TENM2: variants seen among roughly 807,000 people sequenced by gnomAD.
TENM2 encodes the protein teneurin-2.
A neutral mutation model predicts 245.2 loss-of-function variants in TENM2; 52 were observed. The ratio of observed to expected loss-of-function variants is 0.21; its 90% confidence interval spans 0.17 to 0.27. The LOEUF is 0.27. Among genes scored for constraint, TENM2 ranks in the 10% least tolerant of loss-of-function variants. TENM2 has a pLI of 1.00. For missense variants in TENM2, 3,046 were observed against 3,666.8 expected (o/e 0.83, Z 4.37); for synonymous variants, 1,363 against 1,438.9 (o/e 0.95, Z 1.19).
rs774373938 is a variant in TENM2 at position 168,244,614 on chromosome 5, G to C, written c.5715G>C (p.Gln1905His). Residue 1905 changes from glutamine to histidine, a missense_variant, in exon 26 of 29, where the codon CAG becomes CAC. Around this residue, in one of 2 missense-constraint regions of TENM2, gnomAD observed 2,704 missense variants for 3,331.9 expected, o/e 0.81. Transcript: ENST00000518659. This position sits in a 1 kb window ranked among gnomAD's most constrained non-coding sequence, Gnocchi z 4.9. Reference sequence around the variant, plus strand: ...TCAATGGGCGCCTGGCTGGGCTTCAGCGTGGGGCCATGAGCGAGAGGACAG... The same window carrying C: ...TCAATGGGCGCCTGGCTGGGCTTCACCGTGGGGCCATGAGCGAGAGGACAG... 8.7e-6 allele frequency: 14 copies of C among 1,601,644 alleles called. No individual in the cohort carries two copies. The highest frequency in any genetic ancestry group is 1.7e-5 in the Admixed American group (1 of 58,964).
chr5:167,472,988 G>A (rs1181447205), intron 2 of TENM2, among the ~76,000 whole-genome samples: 2 of 152,010 alleles, frequency 1.3e-5, no homozygotes, highest in African/African-American at 2.4e-5. Context: ...ACAAATTGGG[G>A]TGGGAATTGA....
intron 2 of TENM2, among the ~76,000 whole-genome samples, chr5:167,874,863 G>A (rs1773286733): frequency 6.6e-6 from 1 of 152,114 alleles, no homozygotes; most frequent in African/African-American, 2.4e-5. Context: ...CCTCCTCAAG[G>A]CTAGAGAGTC....
chr5:167,458,041 T>G (rs1766026811), intron 2 of TENM2, among the ~76,000 whole-genome samples: 1 of 152,164 alleles, frequency 6.6e-6, no homozygotes, highest in South Asian at 2.1e-4. Context: ...CTTGGTGATA[T>G]AGCTAGTTTT....
At chr5:167,864,699 C>T (rs1399471871) in intron 2 of TENM2, among the ~76,000 whole-genome samples, 1 of 152,150 alleles carries the variant, frequency 6.6e-6, no homozygotes, top group African/African-American at 2.4e-5. Flanking sequence ...ACCTCGGTTC[C>T]AACTCTTCTT....
In TENM2 at chr5:167,608,424, G is replaced by A. The variant is rs369728440; in HGVS notation, c.502+232951G>A. Among the ~76,000 whole-genome samples, 25 of 152,178 alleles carry A rather than the reference G, an allele frequency of 1.6e-4. 1 individual carries two copies. Among genetic ancestry groups the A allele is most frequent in the Admixed American group, 9.2e-4 (14 of 15,268 alleles). On this transcript the variant is annotated intron_variant, in intron 2 of 28. Transcript: ENST00000518659. ...CACCACCAATAAACATGAAAATTTC[G>A]TTGGCAAGAGCCCTCCTTTCCTTGC...
intron 3 of TENM2, among the ~76,000 whole-genome samples, chr5:167,936,701 T>C (rs1438804373): frequency 2.0e-5 from 3 of 152,236 alleles, no homozygotes; most frequent in East Asian, 1.9e-4. Context: ...GTTCTGTAGA[T>C]TTTAACACAA....
At chr5:167,175,479 T>G in the TENM2 span, among the ~76,000 whole-genome samples, 9 of 152,384 alleles carry the variant, frequency 5.9e-5, no homozygotes, top group East Asian at 1.7e-3. Context: ...TTTTGTCACA[T>G]TCTTTGTCAT....
chr5:167,153,354 A>G, the TENM2 span, among the ~76,000 whole-genome samples: 1 of 152,176 alleles, frequency 6.6e-6, no homozygotes, highest in Admixed American at 6.5e-5. Flanking sequence ...AAAAGTTATT[A>G]AGAATTATAA....
intron 2 of TENM2, among the ~76,000 whole-genome samples, chr5:167,702,910 G>A (rs1292931245): frequency 1.3e-5 from 2 of 151,960 alleles, no homozygotes; most frequent in Non-Finnish European, 2.9e-5. Context: ...TGATTCGCCC[G>A]CCTCAACCTC....
At chr5:167,344,837 A>T (rs1463339369) in intron 1 of TENM2, among the ~76,000 whole-genome samples, 1 of 152,116 alleles carries the variant, frequency 6.6e-6, no homozygotes, top group Non-Finnish European at 1.5e-5. Context: ...GAGTCCCCAC[A>T]GAAAGCAGTG....
At chr5:167,101,823 G>A in the TENM2 span, among the ~76,000 whole-genome samples, 2 of 76,666 alleles carry the variant, frequency 2.6e-5, no homozygotes, top group Non-Finnish European at 5.4e-5. Flanking sequence ...TCCCAGCTGG[G>A]GCTCTTGACA....
At chr5:167,878,809 C>A (rs1254569488) in intron 3 of TENM2, among the ~76,000 whole-genome samples, 2 of 152,134 alleles carry the variant, frequency 1.3e-5, no homozygotes, top group Non-Finnish European at 2.9e-5. Flanking sequence ...ACAGCACAAA[C>A]AAAGTGGCCT....
chr5:168,002,150 G>A lies in TENM2; in HGVS notation c.1186+8968G>A, dbSNP rs189450373. ...ACCAAAGCCATGGATGAGAAGAGAGGAGAAGCTTTGCCTCCAACCTTTACA... is the reference window on the plus strand; with the variant it reads ...ACCAAAGCCATGGATGAGAAGAGAGAAGAAGCTTTGCCTCCAACCTTTACA... On this transcript the variant is annotated intron_variant, in intron 5 of 28. Transcript: ENST00000518659. Among the ~76,000 whole-genome samples the A allele has an allele frequency of 9.2e-5, 14 of 152,284 alleles. No homozygotes were observed. The East Asian group carries it at 2.7e-3, about 29-fold the overall frequency.
chr5:168,179,352 G>T (rs1759649837), intron 13 of TENM2, among the ~76,000 whole-genome samples: 1 of 152,186 alleles, frequency 6.6e-6, no homozygotes, highest in African/African-American at 2.4e-5. Flanking sequence ...CACAGCACAG[G>T]CTGAGCAAGC....
intron 2 of TENM2, among the ~76,000 whole-genome samples, chr5:167,872,334 GA>G (rs1554135738): frequency 1.6e-5 from 1 of 62,002 alleles, no homozygotes; most frequent in African/African-American, 4.9e-5. Flanking sequence ...AAGAAAGAAA[GA>G]AAGAAAGAAA....
chr5:167,824,067 G>C (rs934217418), intron 2 of TENM2, among the ~76,000 whole-genome samples: 1 of 152,204 alleles, frequency 6.6e-6, no homozygotes, highest in Non-Finnish European at 1.5e-5. Flanking sequence ...ACCCAGCAAA[G>C]CTCAGCCCTG....
At chr5:167,744,623 CATTTT>C (rs1485354456) in intron 2 of TENM2, among the ~76,000 whole-genome samples, 4 of 152,138 alleles carry the variant, frequency 2.6e-5, no homozygotes, top group African/African-American at 9.7e-5. Context: ...TGCATTGTGA[CATTTT>C]ATATCGTTCC....
the TENM2 span, among the ~76,000 whole-genome samples, chr5:167,279,300 C>G: frequency 1.3e-5 from 2 of 152,078 alleles, no homozygotes; most frequent in Non-Finnish European, 2.9e-5. Context: ...GTATTTTATG[C>G]CTTTTGCAAA....
At chr5:168,261,836 A>T (rs894324805) in intron 28 of TENM2, among the ~76,000 whole-genome samples, 1 of 152,182 alleles carries the variant, frequency 6.6e-6, no homozygotes, top group South Asian at 2.1e-4. Flanking sequence ...ACACCATCAG[A>T]GCATTAGTAA....
Sources: gnomAD v4.1 joint callset for allele counts (sites outside exome capture counted in the v4.1 genomes callset) on GRCh38, gnomAD v4.1.1 for gene constraint, gnomAD v4.1.1 regional missense constraint, Gnocchi (gnomAD v3.1) non-coding constraint, MANE v1.5 for transcripts, NCBI Gene and HGNC (gene_info 2026-07-23, HGNC 2026-07-21) for gene names.